RALYL: variants seen among roughly 807,000 people sequenced by gnomAD.
RALYL encodes the protein RNA-binding Raly-like protein.
Under a neutral mutation model 35.1 loss-of-function variants are expected in RALYL, and 29 were observed. The observed-to-expected ratio is 0.83, with a 90% CI of 0.61 to 1.13. The LOEUF (loss-of-function observed/expected upper bound fraction) is 1.13. RALYL is among the 50% of genes most tolerant of loss of function. RALYL has a pLI of 0.00. For synonymous variants in RALYL, 120 were observed against 127.6 expected, an observed-to-expected ratio of 0.94 and a Z score of 0.40; for missense variants, 359 against 360.4, an observed-to-expected ratio of 1.00 and a Z score of 0.03.
intron 1 of RALYL, among the ~76,000 whole-genome samples, chr8:84,510,062 T>C (rs1031853943): frequency 2.0e-5 from 3 of 152,214 alleles, no homozygotes; most frequent in Admixed American, 2.0e-4. Context: ...GGAATTTTTA[T>C]TGAGATTGCA....
chr8:84,849,867 T>G (rs968506842), intron 4 of RALYL, 113 bp from the exon 5 acceptor site: 5 of 606,658 alleles, frequency 8.2e-6, no homozygotes, highest in African/African-American at 5.9e-5. Flanking sequence ...ATAATTATAT[T>G]GAAAAATAAA....
At position 84,204,838 on chromosome 8, in the gene RALYL, A is replaced by T. The variant is rs190595522; in HGVS notation, c.-24+20414A>T. Among the ~76,000 whole-genome samples, 52 of 152,310 alleles carry T rather than the reference A, an allele frequency of 3.4e-4. No homozygotes were observed. The East Asian group carries it at 9.8e-3, about 29-fold the overall frequency. ...TCAGCATTACTAAGTTAAATAATAT[A>T]TAACACTTATTTGAATTCTTACTGT... On this transcript the variant is annotated intron_variant, in intron 1 of 8. Coordinates refer to ENST00000521268, the MANE Select transcript of RALYL (RefSeq NM_173848.7).
At chr8:84,800,575 A>T (rs941170952) in intron 3 of RALYL, among the ~76,000 whole-genome samples, 1 of 152,146 alleles carries the variant, frequency 6.6e-6, no homozygotes, top group Non-Finnish European at 1.5e-5. Context: ...TCCTAATTCT[A>T]GTGGGTCCTG....
chr8:84,411,384 G>A (rs2044085644), intron 1 of RALYL, among the ~76,000 whole-genome samples: 1 of 151,772 alleles, frequency 6.6e-6, no homozygotes, highest in African/African-American at 2.4e-5. Context: ...TTCTTTCAGT[G>A]ACTTTTCTAA....
intron 2 of RALYL, among the ~76,000 whole-genome samples, chr8:84,741,479 C>T (rs1369661522): frequency 6.6e-6 from 1 of 152,048 alleles, no homozygotes; most frequent in Admixed American, 6.6e-5. Context: ...AAAGGCTGCT[C>T]TCCGCTTCCA....
chr8:84,871,197 C>G (rs558187853), intron 6 of RALYL, among the ~76,000 whole-genome samples: 196 of 152,244 alleles, frequency 1.3e-3, no homozygotes, highest in Non-Finnish European at 2.0e-3. Context: ...CAGTGCTAGA[C>G]CTGAGTCTAG....
chr8:84,433,532 G>A (rs1192141087), intron 1 of RALYL, among the ~76,000 whole-genome samples: 3 of 152,040 alleles, frequency 2.0e-5, no homozygotes, highest in Non-Finnish European at 4.4e-5. Flanking sequence ...CCAGCGGGAG[G>A]TGATTGAATC....
chr8:84,865,288 T>C (rs1477494361), intron 6 of RALYL, among the ~76,000 whole-genome samples: 1 of 152,178 alleles, frequency 6.6e-6, no homozygotes, highest in Admixed American at 6.6e-5. Context: ...GAATAAAGAT[T>C]TACTAAGGTA....
At chr8:84,864,353 A>G (rs2135099242) in intron 6 of RALYL, among the ~76,000 whole-genome samples, 1 of 152,300 alleles carries the variant, frequency 6.6e-6, no homozygotes, top group Admixed American at 6.5e-5. Flanking sequence ...TGTATCCTAG[A>G]GTATCTCTGT....
At chr8:84,408,510 C>T (rs2043776832) in intron 1 of RALYL, among the ~76,000 whole-genome samples, 1 of 152,166 alleles carries the variant, frequency 6.6e-6, no homozygotes, top group Non-Finnish European at 1.5e-5. Context: ...GACCCCAAAT[C>T]CTTGTAATGG....
At chr8:84,388,284 T>C (rs1328930879) in intron 1 of RALYL, among the ~76,000 whole-genome samples, 34 of 152,098 alleles carry the variant, frequency 2.2e-4, no homozygotes, top group Middle Eastern at 3.4e-3. Flanking sequence ...GCTATTGTGA[T>C]TAGTGCCGCA....
In RALYL at chr8:84,405,823, C is replaced by CTTTTTTTT. The variant is rs776007226; in HGVS notation, c.-23-123463_-23-123456dup. 1.6e-4 allele frequency among the ~76,000 whole-genome samples: 19 copies of CTTTTTTTT among 118,154 alleles called. 1 individual carries two copies. The highest frequency in any genetic ancestry group is 5.9e-4 in the African/African-American group (18 of 30,302). The allele number at this position is 118,154 out of a possible 152,430, so 77.5% of individuals were successfully genotyped here. ...GTTTAATAATCTAGATATTTTCATT[C>CTTTTTTTT]TTTTTTTTTTTTTTTTTTTTGAGAC... On this transcript the variant is annotated intron_variant, in intron 1 of 8. Coordinates refer to ENST00000521268, the MANE Select transcript of RALYL (RefSeq NM_173848.7).
At chr8:84,639,707 C>T (rs976534153) in intron 2 of RALYL, among the ~76,000 whole-genome samples, 2 of 151,902 alleles carry the variant, frequency 1.3e-5, no homozygotes, top group African/African-American at 2.4e-5. Flanking sequence ...GTGATACCTG[C>T]CCCTGGTCCA....
At chr8:84,193,001 T>C (rs1286112654) in intron 1 of RALYL, among the ~76,000 whole-genome samples, 1 of 152,056 alleles carries the variant, frequency 6.6e-6, no homozygotes, top group African/African-American at 2.4e-5. Flanking sequence ...TGTGTTATTC[T>C]TTCTAGTATT....
rs16913392 is a variant in RALYL at position 84,877,588 on chromosome 8, A to G, written c.685+4191A>G. 2.4e-3 allele frequency among the ~76,000 whole-genome samples: 369 copies of G among 152,292 alleles called. 10 individuals carry two copies. The East Asian group carries it at 0.05, about 21-fold the overall frequency. On this transcript the variant is annotated intron_variant, in intron 7 of 8. Coordinates refer to ENST00000521268, the MANE Select transcript of RALYL (RefSeq NM_173848.7). Reference sequence around the variant, plus strand: ...ACCCCTCCAAAACCTTTGAACAGAGAGTTGATATCATTGGCCTATGGGTAT... The same window carrying G: ...ACCCCTCCAAAACCTTTGAACAGAGGGTTGATATCATTGGCCTATGGGTAT...
intron 4 of RALYL, among the ~76,000 whole-genome samples, chr8:84,808,367 C>A (rs767188326): frequency 1.3e-5 from 2 of 152,084 alleles, no homozygotes; most frequent in African/African-American, 4.8e-5. Flanking sequence ...GTCTATGTGC[C>A]TATTTTTATA....
intron 1 of RALYL, among the ~76,000 whole-genome samples, chr8:84,292,620 C>G (rs910815564): frequency 6.6e-6 from 1 of 152,040 alleles, no homozygotes; most frequent in African/African-American, 2.4e-5. Context: ...GGCCAAAACC[C>G]ACCAAAACCA....
chr8:84,254,830 C>T (rs139321665), intron 1 of RALYL, among the ~76,000 whole-genome samples: 7 of 150,706 alleles, frequency 4.6e-5, no homozygotes, highest in East Asian at 2.0e-4. Context: ...TGGCTGAAGA[C>T]GAACGGGGAA....
At chr8:84,325,209 A>G (rs548136908) in intron 1 of RALYL, among the ~76,000 whole-genome samples, 12 of 152,286 alleles carry the variant, frequency 7.9e-5, no homozygotes, top group African/African-American at 2.9e-4. Context: ...ACTGTATTCA[A>G]AATTTCATTA....
Sources: allele counts gnomAD v4.1 joint callset (sites outside exome capture counted in the v4.1 genomes callset), GRCh38; gene constraint gnomAD v4.1.1; transcripts MANE v1.5; gene names NCBI Gene and HGNC (gene_info 2026-07-23, HGNC 2026-07-21).